The following MAK variants were observed in gnomAD, a reference collection of about 807,000 sequenced individuals.
The protein encoded by MAK is male germ cell associated kinase.
Under a neutral mutation model 82.6 loss-of-function variants are expected in MAK, and 65 were observed. That is an observed-to-expected ratio of 0.79 (90% CI 0.64 to 0.97). The LOEUF (loss-of-function observed/expected upper bound fraction) is 0.97, where lower values mean the gene tolerates loss of function less well. Ranked by LOEUF, MAK falls within the 50% of genes least tolerant of loss-of-function variation. The pLI is 0.00. For missense variants in MAK, 703 were observed against 780.2 expected (o/e 0.90, Z 1.18); for synonymous variants, 250 against 274.2 (o/e 0.91, Z 0.87).
chr6:10,791,950 G>A (rs1775127338), intron 9 of MAK, 103 bp from the exon 10 acceptor site: 6 of 1,297,252 alleles, frequency 4.6e-6, no homozygotes, highest in African/African-American at 2.9e-5. Flanking sequence ...CATTCTCAAG[G>A]AGCGTTCCAT....
At chr6:10,813,118 ATATATATATATATATAAATTTTTTTTT>A (rs1777132571) in intron 5 of MAK, among the ~76,000 whole-genome samples, 2 of 3,242 alleles carry the variant, frequency 6.2e-4, no homozygotes, top group African/African-American at 3.5e-3. Context: ...ATATATATAT[ATATATATATATATATAAATTTTTTTTT>A]TTTTTTTTTT....
intron 1 of MAK, among the ~76,000 whole-genome samples, chr6:10,834,216 A>G (rs1235713889): frequency 3.9e-5 from 6 of 152,174 alleles, no homozygotes; most frequent in Non-Finnish European, 7.3e-5. Flanking sequence ...GAAATATGTG[A>G]TCTCTAGGTT....
chr6:10,796,230 T>A lies in MAK; in HGVS notation c.911A>T (p.Asn304Ile), dbSNP rs768757013. 1.2e-5 allele frequency: 20 copies of A among 1,614,100 alleles called. No individual in the cohort carries two copies. The highest frequency in any genetic ancestry group is 1.7e-5 in the Non-Finnish European group (20 of 1,180,052). The stretch of plus-strand genomic sequence containing the variant: ...TGATTCTAATGGTTGCAGCTGCTTA[T>A]TTAAAGACTGTTTTGATTCCAGATG... ...SNHLESKQSLNKQLQPLESKP... is the reference protein window; with the variant it reads ...SNHLESKQSLIKQLQPLESKP... The change falls in exon 9 of 15, where the codon AAT (asparagine) becomes ATT (isoleucine). Residue 304 changes from asparagine to isoleucine, a missense_variant. By Grantham distance (149) the Asn-to-Ile change is moderately radical. Coordinates refer to ENST00000354489, the MANE Select transcript of MAK (RefSeq NM_001242957.3).
intron 14 of MAK, among the ~76,000 whole-genome samples, chr6:10,767,528 A>G (rs1237672823): frequency 6.6e-6 from 1 of 152,136 alleles, no homozygotes; most frequent in Non-Finnish European, 1.5e-5. Flanking sequence ...GGTAGAGGCC[A>G]GGTGCGGTGG....
intron 12 of MAK, 70 bp from the exon 13 acceptor site, chr6:10,773,178 T>A (rs1041198833): frequency 1.2e-6 from 1 of 827,844 alleles, no homozygotes; most frequent in African/African-American, 1.7e-5. Context: ...AGAGAAAAAA[T>A]GGATTAGATG....
rs561232417 is a variant in MAK, at chr6:10,821,176, T to G, written c.102-2236A>C. Reference sequence around the variant, plus strand: ...GTTGCTCATGCTAGTCTCAAACTCCTGGGCTCAAGCAATCTGCCCACCTCG... The same window carrying G: ...GTTGCTCATGCTAGTCTCAAACTCCGGGGCTCAAGCAATCTGCCCACCTCG... On this transcript the variant is annotated intron_variant, in intron 2 of 14. Transcript: ENST00000354489. Among the ~76,000 whole-genome samples, 25 of 152,336 alleles carry G rather than the reference T, an allele frequency of 1.6e-4. No individual in the cohort carries two copies. In the East Asian group the frequency reaches 4.8e-3, roughly 29 times the overall value.
chr6:10,819,114 G>T (rs1032472840), intron 2 of MAK, among the ~76,000 whole-genome samples, 174 bp from the exon 3 acceptor site: 1 of 152,114 alleles, frequency 6.6e-6, no homozygotes, highest in Non-Finnish European at 1.5e-5. Context: ...GTAGGCCTAC[G>T]TCACATCCAA....
intron 7 of MAK, among the ~76,000 whole-genome samples, chr6:10,803,142 C>A (rs890286594): frequency 6.6e-6 from 1 of 152,186 alleles, no homozygotes; most frequent in Non-Finnish European, 1.5e-5. Context: ...TCTAAACACA[C>A]AGAATTTTTC....
intron 13 of MAK, 94 bp from the exon 14 acceptor site, chr6:10,770,324 ATT>A: frequency 7.1e-7 from 1 of 1,402,980 alleles, no homozygotes; most frequent in Non-Finnish European, 1.0e-6. Flanking sequence ...TCTAAATACT[ATT>A]TTTCAGCATC....
chr6:10,784,623 C>CGCCCACCCTCTGCACATCTT (rs749836849), intron 10 of MAK, 51 bp from the exon 11 acceptor site: 22 of 1,504,616 alleles, frequency 1.5e-5, no homozygotes, highest in South Asian at 2.2e-5. Flanking sequence ...GAGAGGATCT[C>CGCCCACCCTCTGCACATCTT]GCCCACCCTC....
intron 2 of MAK, among the ~76,000 whole-genome samples, chr6:10,820,913 G>A (rs1038529255): frequency 4.6e-5 from 7 of 152,170 alleles, no homozygotes. Flanking sequence ...TCATATCCAT[G>A]TGAAACTGCA....
chr6:10,766,809 A>G (rs1772482121), intron 14 of MAK, among the ~76,000 whole-genome samples: 1 of 152,198 alleles, frequency 6.6e-6, no homozygotes, highest in African/African-American at 2.4e-5. Context: ...TTTGGGGAGT[A>G]ACAAAAAGAG....
intron 14 of MAK, among the ~76,000 whole-genome samples, chr6:10,765,634 A>C (rs1475248160): frequency 1.3e-5 from 2 of 151,648 alleles, no homozygotes; most frequent in Non-Finnish European, 2.9e-5. Context: ...TAGTTTTTGT[A>C]TTTTTAGTAG....
intron 5 of MAK, among the ~76,000 whole-genome samples, chr6:10,810,690 G>C (rs1776861046): frequency 6.6e-6 from 1 of 152,166 alleles, no homozygotes; most frequent in South Asian, 2.1e-4. Context: ...TTCAAAGCCA[G>C]AGTGGGCTCT....
intron 1 of MAK, among the ~76,000 whole-genome samples, chr6:10,832,206 GA>G (rs1217051587): frequency 6.6e-6 from 1 of 152,184 alleles, no homozygotes; most frequent in African/African-American, 2.4e-5. Context: ...AGCTGGTCTC[GA>G]ACTCCTGGCC....
intron 2 of MAK, among the ~76,000 whole-genome samples, chr6:10,822,090 T>C (rs957923620): frequency 7.6e-6 from 1 of 131,192 alleles, no homozygotes; most frequent in Non-Finnish European, 1.5e-5. Flanking sequence ...GAGCTTGCAG[T>C]GAGCTGAGAT....
chr6:10,779,911 TC>T lies in MAK; in HGVS notation c.1466-4453del, dbSNP rs1330458774. 2.0e-5 allele frequency among the ~76,000 whole-genome samples: 3 copies of T among 152,196 alleles called. No individual in the cohort carries two copies. The East Asian group carries it at 5.8e-4, about 29-fold the overall frequency. Reference sequence around the variant, plus strand: ...TATGTTGGCCAGGCTGGTCTCGAATTCCTGACCTCAGGTGATCCACCGGCTT... The same window carrying T: ...TATGTTGGCCAGGCTGGTCTCGAATTCTGACCTCAGGTGATCCACCGGCTT... On this transcript the variant is annotated intron_variant, in intron 11 of 14. Transcript: ENST00000354489.
In MAK at chr6:10,776,356, C is replaced by CA. The variant is rs1316220193; in HGVS notation, c.1466-898dup. Among the ~76,000 whole-genome samples the CA allele has an allele frequency of 1.3e-5, 2 of 152,204 alleles. No homozygotes were observed. The highest frequency in any genetic ancestry group is 4.8e-5 in the African/African-American group (2 of 41,446). ...GATTTTCTGAAATCTGTGAAATGTC[C>CA]ATTCAGCCTTGGGCCGTGATACTAG... On this transcript the variant is annotated intron_variant, in intron 11 of 14. Transcript: ENST00000354489. The surrounding 1 kb of genome is among the most constrained non-coding windows in gnomAD (Gnocchi z 4.3).
In MAK at chr6:10,763,472, T is replaced by C. The variant is rs1017801223; in HGVS notation, c.*980A>G. 1.3e-5 allele frequency: 2 copies of C among 150,334 alleles called. No individual in the cohort carries two copies. The highest frequency in any genetic ancestry group is 4.9e-5 in the African/African-American group (2 of 40,722). 9.3% of individuals were successfully genotyped at this position (150,334 alleles called of 1,614,324 possible). On this transcript the variant is annotated 3_prime_UTR_variant, in exon 15 of 15. Coordinates refer to ENST00000354489, the MANE Select transcript of MAK (RefSeq NM_001242957.3). ...TTCATGGGAACTGTACTGGTCAAGA[T>C]CAAAACACAAGCCGTCCACTAAAAT...
Sources: allele counts gnomAD v4.1 joint callset (sites outside exome capture counted in the v4.1 genomes callset), GRCh38; gene constraint gnomAD v4.1.1; non-coding constraint Gnocchi (gnomAD v3.1); transcripts MANE v1.5; gene names NCBI Gene and HGNC (gene_info 2026-07-23, HGNC 2026-07-21).